The following HTR2C variants were observed in gnomAD, a reference collection of about 807,000 sequenced individuals.
HTR2C encodes the protein 5-hydroxytryptamine receptor 2C.
In HTR2C, 5 loss-of-function variants were observed where a neutral mutation model predicts 21.0. The ratio of observed to expected loss-of-function variants is 0.24; its 90% CI spans 0.12 to 0.50. The LOEUF is 0.50. Ranked by LOEUF, HTR2C falls within the 20% of genes least tolerant of loss-of-function variation. The pLI, the probability that HTR2C is intolerant of heterozygous loss-of-function variation, is 0.98. For missense variants in HTR2C, 271 were observed against 371.2 expected (o/e 0.73, Z 2.22); for synonymous variants, 150 against 145.3 (o/e 1.03, Z -0.23).
intron 4 of HTR2C, among the ~76,000 whole-genome samples, chrX:114,767,333 A>T (rs1342167613): frequency 9.0e-6 from 1 of 111,239 alleles, no homozygotes; most frequent in Non-Finnish European, 1.9e-5. Context: ...ATTCTAGATC[A>T]TATTCATTCT....
intron 4 of HTR2C, among the ~76,000 whole-genome samples, chrX:114,746,137 G>A (rs1028677689): frequency 7.2e-5 from 8 of 111,041 alleles, no homozygotes; most frequent in African/African-American, 2.6e-4. Flanking sequence ...AAATTTAAAA[G>A]CTTCTAAAAA....
intron 2 of HTR2C, among the ~76,000 whole-genome samples, chrX:114,702,942 A>G (rs1932596022): frequency 1.1e-5 from 1 of 90,622 alleles, no homozygotes; most frequent in African/African-American, 3.8e-5. Context: ...TTAAACCAAC[A>G]AAGATAAAAA....
At chrX:114,775,330 T>C in intron 4 of HTR2C, 1 of 532,633 alleles carries the variant, frequency 1.9e-6, no homozygotes, top group Non-Finnish European at 3.5e-6. Context: ...TTGGCATCAA[T>C]GTCAAAAGTG....
intron 4 of HTR2C, among the ~76,000 whole-genome samples, chrX:114,830,750 G>C (rs2070716625): frequency 9.7e-6 from 1 of 103,183 alleles, no homozygotes; most frequent in Non-Finnish European, 2.0e-5. Flanking sequence ...CATTGTGCAG[G>C]TTAGTTACAT....
chrX:114,781,098 G>A (rs1351631128), intron 4 of HTR2C, among the ~76,000 whole-genome samples: 6 of 111,519 alleles, frequency 5.4e-5, no homozygotes, highest in Non-Finnish European at 1.1e-4. Flanking sequence ...TTTAGGCAAA[G>A]CTGAAGAGAG....
chrX:114,848,046 T>C lies in HTR2C; in HGVS notation c.393T>C (p.Ile131=). 8.3e-7 allele frequency: 1 copy of C among 1,210,572 alleles called. No individual in the cohort carries two copies. The highest frequency in any genetic ancestry group is 1.1e-6 in the Non-Finnish European group (1 of 894,381). The change falls in exon 5 of 6, where the codon ATT becomes ATC. Residue 131 remains isoleucine, a synonymous_variant. Transcript: ENST00000276198. ...PLPRYLCPVW[I]SLDVLFSTAS... is the part of the protein sequence containing the mutation. ...CTAGATATTTGTGCCCCGTCTGGATTTCTTTAGATGTTTTATTTTCAACAG... is the reference window on the plus strand; with the variant it reads ...CTAGATATTTGTGCCCCGTCTGGATCTCTTTAGATGTTTTATTTTCAACAG...
intron 1 of HTR2C, among the ~76,000 whole-genome samples, chrX:114,613,153 C>T (rs782268114): frequency 9.1e-6 from 1 of 109,785 alleles, no homozygotes; most frequent in South Asian, 3.9e-4. Flanking sequence ...TGGCCAGGCT[C>T]GTCTTGAACC....
At chrX:114,734,190 A>G (rs2069565096) in intron 4 of HTR2C, among the ~76,000 whole-genome samples, 1 of 111,486 alleles carries the variant, frequency 9.0e-6, no homozygotes, top group African/African-American at 3.3e-5. Flanking sequence ...AATAAGGAGT[A>G]TAGAAGAAAA....
chrX:114,839,186 G>T (rs1226819951), intron 4 of HTR2C, among the ~76,000 whole-genome samples: 2 of 111,503 alleles, frequency 1.8e-5, no homozygotes, highest in Non-Finnish European at 3.8e-5. Flanking sequence ...TAACCTTTTG[G>T]CAAATAAAAG....
intron 2 of HTR2C, among the ~76,000 whole-genome samples, chrX:114,629,221 C>T (rs1293010606): frequency 9.0e-6 from 1 of 111,712 alleles, no homozygotes; most frequent in Non-Finnish European, 1.9e-5. Context: ...AGAAAATATG[C>T]CCATTTATGA....
At chrX:114,698,557 G>C (rs183163555) in intron 2 of HTR2C, among the ~76,000 whole-genome samples, 11 of 110,967 alleles carry the variant, frequency 9.9e-5, no homozygotes, top group Non-Finnish European at 2.1e-4. Context: ...CAAATGTCTT[G>C]TATTTCATTA....
intron 4 of HTR2C, chrX:114,775,879 T>C (rs2070051627): frequency 5.3e-6 from 2 of 377,556 alleles, no homozygotes; most frequent in Non-Finnish European, 9.6e-6. Context: ...GTTCTTTAAA[T>C]TGGGCACAGG....
intron 2 of HTR2C, among the ~76,000 whole-genome samples, chrX:114,712,606 C>T (rs868918126): frequency 6.5e-4 from 73 of 111,748 alleles, no homozygotes; most frequent in African/African-American, 2.2e-3. Flanking sequence ...TATTTAAGAC[C>T]TTTGCCAAAT....
At chrX:114,834,260 G>A (rs1215014802) in intron 4 of HTR2C, among the ~76,000 whole-genome samples, 23 of 109,160 alleles carry the variant, frequency 2.1e-4, no homozygotes, top group African/African-American at 7.3e-4. Context: ...TATCCTTGTT[G>A]ACTTTCTGTC....
At chrX:114,648,822 G>A (rs782689694) in intron 2 of HTR2C, among the ~76,000 whole-genome samples, 22 of 111,810 alleles carry the variant, frequency 2.0e-4, no homozygotes, top group African/African-American at 3.6e-4. Flanking sequence ...GTTTACTCCC[G>A]TATATCTCAA....
At chrX:114,768,530 A>G (rs1556436000) in intron 4 of HTR2C, among the ~76,000 whole-genome samples, 1 of 111,213 alleles carries the variant, frequency 9.0e-6, no homozygotes. Context: ...ATATAATATA[A>G]CATAACATAA....
intron 1 of HTR2C, among the ~76,000 whole-genome samples, chrX:114,587,094 G>T (rs1222842952): frequency 9.0e-6 from 1 of 111,621 alleles, no homozygotes; most frequent in Non-Finnish European, 1.9e-5. Flanking sequence ...TCAAGGAAAC[G>T]TCATCCCTCT....
At chrX:114,586,253 T>G (rs1927388055) in intron 1 of HTR2C, among the ~76,000 whole-genome samples, 1 of 111,371 alleles carries the variant, frequency 9.0e-6, no homozygotes, top group Non-Finnish European at 1.9e-5. Context: ...AAGAGTATAA[T>G]CTCCTTAGCA....
At chrX:114,893,604 AAAATAT>A (rs2071275140) in intron 5 of HTR2C, among the ~76,000 whole-genome samples, 1 of 111,967 alleles carries the variant, frequency 8.9e-6, no homozygotes, top group South Asian at 3.6e-4. Context: ...TATTATAGAT[AAAATAT>A]AAAAGAATAT....
Sources: gnomAD v4.1 joint callset for allele counts (sites outside exome capture counted in the v4.1 genomes callset) on GRCh38, gnomAD v4.1.1 for gene constraint, MANE v1.5 for transcripts, NCBI Gene and HGNC (gene_info 2026-07-23, HGNC 2026-07-21) for gene names.